PDE8B: variants seen among roughly 807,000 people sequenced by gnomAD.
PDE8B encodes the protein phosphodiesterase 8B, also known as high affinity cAMP-specific and IBMX-insensitive 3',5'-cyclic phosphodiesterase 8B.
A neutral mutation model predicts 101.3 loss-of-function variants in PDE8B; 26 were observed. That is an observed-to-expected ratio of 0.26 (90% CI 0.19 to 0.36). PDE8B has a LOEUF of 0.36. PDE8B is among the 10% of genes least tolerant of loss of function. The pLI is 1.00. For missense variants in PDE8B, 810 were observed against 1,163.1 expected (o/e 0.70, Z 4.42); for synonymous variants, 424 against 429.3 (o/e 0.99, Z 0.15).
At chr5:77,254,102 C>T (rs562210336) in intron 1 of PDE8B, among the ~76,000 whole-genome samples, 3 of 151,892 alleles carry the variant, frequency 2.0e-5, no homozygotes, top group East Asian at 3.9e-4. Flanking sequence ...AAAAATTTTA[C>T]GATGTTCTGT....
At chr5:77,380,265 G>T (rs991931299) in intron 10 of PDE8B, among the ~76,000 whole-genome samples, 1 of 152,176 alleles carries the variant, frequency 6.6e-6, no homozygotes, top group Non-Finnish European at 1.5e-5. Flanking sequence ...TTGCAAATGT[G>T]TGTAAGAATA....
chr5:77,303,864 G>GTC, intron 1 of PDE8B, among the ~76,000 whole-genome samples: 1 of 152,116 alleles, frequency 6.6e-6, no homozygotes, highest in African/African-American at 2.4e-5. Context: ...TTTTAAATGA[G>GTC]TAACTCTAGT....
At chr5:77,195,859 A>G in the PDE8B span, among the ~76,000 whole-genome samples, 1 of 152,212 alleles carries the variant, frequency 6.6e-6, no homozygotes, top group East Asian at 1.9e-4. Flanking sequence ...TTGAGTAAAC[A>G]GAGGACAAGG....
At chr5:77,416,804 C>T (rs548710882) in intron 17 of PDE8B, among the ~76,000 whole-genome samples, 2 of 152,296 alleles carry the variant, frequency 1.3e-5, no homozygotes, top group South Asian at 4.1e-4. Flanking sequence ...AGCAGCTCTT[C>T]CTCCTGCAGG....
intron 18 of PDE8B, among the ~76,000 whole-genome samples, chr5:77,418,877 G>A (rs1581604364): frequency 1.3e-5 from 2 of 152,244 alleles, no homozygotes; most frequent in Middle Eastern, 6.8e-3. Context: ...CCCCAGCCCC[G>A]CATTCTCTGA....
chr5:77,210,207 C>T (rs1419010486), upstream of PDE8B, among the ~76,000 whole-genome samples: 1 of 152,098 alleles, frequency 6.6e-6, no homozygotes, highest in East Asian at 1.9e-4. The surrounding 1 kb of genome is among the most constrained non-coding windows in gnomAD (Gnocchi z 4.9). Context: ...GGCTGGGGCG[C>T]TGGGGGCGGC....
the PDE8B span, among the ~76,000 whole-genome samples, chr5:77,128,592 G>C: frequency 2.6e-5 from 4 of 152,188 alleles, no homozygotes; most frequent in Non-Finnish European, 5.9e-5. Context: ...GGTTATGCCT[G>C]TGTGGAACTG....
At chr5:77,232,027 G>T (rs1034884738) in intron 1 of PDE8B, among the ~76,000 whole-genome samples, 14 of 152,260 alleles carry the variant, frequency 9.2e-5, no homozygotes, top group African/African-American at 3.1e-4. Flanking sequence ...GCAGACAGTG[G>T]ATGTGGATGG....
At chr5:77,146,885 T>C in the PDE8B span, 2 of 377,970 alleles carry the variant, frequency 5.3e-6, no homozygotes, top group Non-Finnish European at 1.1e-5. Flanking sequence ...GTTTTCTTGT[T>C]CTGTTCTGAG....
chr5:77,364,085 C>T (rs1028178401), intron 10 of PDE8B, among the ~76,000 whole-genome samples: 4 of 152,132 alleles, frequency 2.6e-5, no homozygotes, highest in Non-Finnish European at 4.4e-5. Flanking sequence ...TGCATCTGTA[C>T]GGAGAATCCT....
chr5:77,280,812 G>A (rs565527115), intron 1 of PDE8B, among the ~76,000 whole-genome samples: 2 of 152,164 alleles, frequency 1.3e-5, no homozygotes, highest in Admixed American at 1.3e-4. Context: ...CAGGAGAATC[G>A]CTTGAACCGG....
At chr5:77,307,442 G>A (rs139213883) in intron 1 of PDE8B, among the ~76,000 whole-genome samples, 5 of 152,232 alleles carry the variant, frequency 3.3e-5, no homozygotes, top group African/African-American at 7.2e-5. Flanking sequence ...AGTGATAGAC[G>A]TTTACAGATC....
chr5:77,168,474 T>C, the PDE8B span, among the ~76,000 whole-genome samples: 2 of 152,192 alleles, frequency 1.3e-5, no homozygotes, highest in Admixed American at 6.5e-5. Context: ...CAGGGGCTGC[T>C]CTGCCACTTG....
At chr5:77,181,981 G>T in the PDE8B span, among the ~76,000 whole-genome samples, 1 of 152,098 alleles carries the variant, frequency 6.6e-6, no homozygotes, top group Non-Finnish European at 1.5e-5. Context: ...ACTTTGTAGA[G>T]GTTCGGTTTT....
intron 10 of PDE8B, among the ~76,000 whole-genome samples, chr5:77,376,088 C>T (rs1325390681): frequency 6.6e-6 from 1 of 152,034 alleles, no homozygotes; most frequent in Admixed American, 6.5e-5. Context: ...GATGGGATTT[C>T]TCCATGTGCC....
chr5:77,279,557 A>T (rs1207262848), intron 1 of PDE8B, among the ~76,000 whole-genome samples: 2 of 152,174 alleles, frequency 1.3e-5, no homozygotes, highest in Non-Finnish European at 2.9e-5. Flanking sequence ...TGAGGACTTC[A>T]GGTTATATGC....
chr5:77,177,120 A>G, the PDE8B span, among the ~76,000 whole-genome samples: 1 of 151,458 alleles, frequency 6.6e-6, no homozygotes, highest in Admixed American at 6.6e-5. Flanking sequence ...AGTCTCTTCA[A>G]GGTGCATGGT....
chr5:77,210,540 G>A, upstream of PDE8B: 1 of 835,700 alleles, frequency 1.2e-6, no homozygotes, highest in Non-Finnish European at 1.4e-6. The surrounding 1 kb of genome is among the most constrained non-coding windows in gnomAD (Gnocchi z 4.9). Flanking sequence ...GCCCAGGGCC[G>A]CGGGTGCGGG....
At chr5:77,102,430 A>G in the PDE8B span, among the ~76,000 whole-genome samples, 1 of 152,188 alleles carries the variant, frequency 6.6e-6, no homozygotes, top group East Asian at 1.9e-4. Context: ...TTTGTTTTTC[A>G]TCTGTAAAAT....
Sources: allele counts gnomAD v4.1 joint callset (sites outside exome capture counted in the v4.1 genomes callset), GRCh38; gene constraint gnomAD v4.1.1; non-coding constraint Gnocchi (gnomAD v3.1); transcripts MANE v1.5; gene names NCBI Gene and HGNC (gene_info 2026-07-23, HGNC 2026-07-21).